The following HERC1 variants were observed in gnomAD, a reference collection of about 807,000 sequenced individuals.
The protein encoded by HERC1 is HECT and RLD domain containing E3 ubiquitin protein ligase family member 1.
Under a neutral mutation model 554.3 loss-of-function variants are expected in HERC1, and 160 were observed. The ratio of observed to expected loss-of-function variants is 0.29; its 90% CI spans 0.25 to 0.33. HERC1 has a LOEUF of 0.33. Among genes scored for constraint, HERC1 ranks in the 10% least tolerant of loss-of-function variants. The pLI, the probability that HERC1 is intolerant of heterozygous loss-of-function variation, is 1.00. For missense variants in HERC1, 4,919 were observed against 5,918.5 expected (o/e 0.83, Z 5.54); for synonymous variants, 2,175 against 2,131.7 (o/e 1.02, Z -0.56).
chr15:63,737,383 T>C (rs2074557461), intron 12 of HERC1, among the ~76,000 whole-genome samples: 1 of 139,194 alleles, frequency 7.2e-6, no homozygotes, highest in South Asian at 2.2e-4. Context: ...GATATATATA[T>C]ATATATCGTT....
rs375095850 is a variant in HERC1, at chr15:63,712,878, G to A, written c.4481C>T (p.Ala1494Val). 24 of 1,613,030 alleles carry A rather than the reference G, an allele frequency of 1.5e-5. No homozygotes were observed. In the African/African-American group the frequency reaches 2.9e-4, roughly 20 times the overall value. Residue 1494 changes from alanine (A) to valine (V), a missense_variant, in exon 24 of 78, where the codon GCA becomes GTA. Around this residue, in one of 11 missense-constraint regions of HERC1, gnomAD observed 1,121 missense variants for 1,244.0 expected, o/e 0.90. Transcript: ENST00000443617. ...GCTTGTGTGGACTAGCCGGCTCTCTGCAGTAAGACTTTCACTCCTGTCTCA... is the reference window on the plus strand; with the variant it reads ...GCTTGTGTGGACTAGCCGGCTCTCTACAGTAAGACTTTCACTCCTGTCTCA... ...GLMTRSESLT[A>V]ESRLVHTSPN...
At chr15:63,637,452 A>G in intron 64 of HERC1, 53 bp downstream of exon 64, 1 of 1,492,312 alleles carries the variant, frequency 6.7e-7, no homozygotes. Context: ...TGTACGACCA[A>G]ACCTACATTA....
chr15:63,700,192 A>G (rs905686453), intron 25 of HERC1, among the ~76,000 whole-genome samples: 2 of 151,970 alleles, frequency 1.3e-5, no homozygotes, highest in Non-Finnish European at 2.9e-5. Context: ...ATTTTATATC[A>G]CCTTTTTGGA....
At position 63,694,635 on chromosome 15, in the gene HERC1, C is replaced by T; in HGVS notation, c.5243-86G>A. On this transcript the variant is annotated intron_variant, in intron 28 of 77. Transcript: ENST00000443617. The surrounding 1 kb of genome is among the most constrained non-coding windows in gnomAD (Gnocchi z 4.3). ...GAATAATTTTCTAAAATATTAATAA[C>T]ATGAAACACTAAATTATTTATTCTT... The T allele has an allele frequency of 7.0e-7, 1 of 1,422,226 alleles. No individual in the cohort carries two copies. The highest frequency in any genetic ancestry group is 1.9e-4 in the Middle Eastern group (1 of 5,360). The allele number at this position is 1,422,226 out of a possible 1,614,324, so 88.1% of individuals were successfully genotyped here. A position where few individuals can be genotyped will look rare whatever the true frequency, so the allele number is the denominator to read the frequency against.
intron 72 of HERC1, 81 bp from the exon 73 acceptor site, chr15:63,623,971 ATG>A: frequency 6.8e-7 from 1 of 1,479,668 alleles, no homozygotes; most frequent in East Asian, 2.3e-5. Context: ...CCATCAGTGA[ATG>A]AAAAAGCTAG....
At chr15:63,686,633 A>G (rs1319240910) in intron 33 of HERC1, 98 bp from the exon 34 acceptor site, 13 of 959,358 alleles carry the variant, frequency 1.4e-5, no homozygotes, top group Admixed American at 7.4e-5. Context: ...AATATTTATT[A>G]TGTATCTACT....
chr15:63,812,118 C>T (rs377241829), intron 1 of HERC1, among the ~76,000 whole-genome samples: 11 of 152,284 alleles, frequency 7.2e-5, no homozygotes, highest in East Asian at 3.9e-4. Context: ...AACATAGACA[C>T]TAAGTTGCCT....
chr15:63,746,227 T>C (rs978088060), intron 12 of HERC1, among the ~76,000 whole-genome samples: 1 of 152,090 alleles, frequency 6.6e-6, no homozygotes, highest in Admixed American at 6.5e-5. Flanking sequence ...ATGTTAAGTT[T>C]TTGTTTTCAT....
intron 1 of HERC1, among the ~76,000 whole-genome samples, chr15:63,790,354 G>A (rs1416404762): frequency 2.6e-5 from 4 of 152,122 alleles, no homozygotes; most frequent in South Asian, 2.1e-4. Context: ...CGAGGCGGGC[G>A]GATCACGAGG....
At chr15:63,701,417 T>C (rs1041455721) in intron 25 of HERC1, among the ~76,000 whole-genome samples, 8 of 152,140 alleles carry the variant, frequency 5.3e-5, no homozygotes, top group African/African-American at 1.9e-4. Flanking sequence ...CAAAATTAAA[T>C]CTTCTGCAAT....
chr15:63,645,008 T>C lies in HERC1; in HGVS notation c.11168A>G (p.Gln3723Arg). 2 of 1,612,238 alleles carry C rather than the reference T, an allele frequency of 1.2e-6. No homozygotes were observed. Among genetic ancestry groups the C allele is most frequent in the African/African-American group, 1.3e-5 (1 of 74,998 alleles). Reference sequence around the variant, plus strand: ...GAATGTTACCTGGCAATTTGATTCCTGCTCCCACCATCCTTCTGCACTAGT... The same window carrying C: ...GAATGTTACCTGGCAATTTGATTCCCGCTCCCACCATCCTTCTGCACTAGT... ...NVTSAEGWWE[Q>R]ESNCQDGYRK... Residue 3723 changes from glutamine to arginine, a missense_variant, in exon 57 of 78, where the codon CAG becomes CGG. Gln to Arg is a conservative substitution (Grantham distance 43). Transcript: ENST00000443617.
At position 63,645,473 on chromosome 15, in the gene HERC1, G is replaced by C; in HGVS notation, c.11078+10C>G. On this transcript the variant is annotated intron_variant, in intron 56 of 77. Coordinates refer to ENST00000443617, the MANE Select transcript of HERC1 (RefSeq NM_003922.4). ...AAACTAAGACGTATAGATGCAAATT[G>C]ACAACATACGTAGCCATCAGTAACT... 6.3e-7 allele frequency: 1 copy of C among 1,595,980 alleles called. No homozygotes were observed. Among genetic ancestry groups the C allele is most frequent in the Non-Finnish European group, 8.5e-7 (1 of 1,171,078 alleles).
intron 1 of HERC1, among the ~76,000 whole-genome samples, chr15:63,817,628 T>C (rs2077535540): frequency 6.6e-6 from 1 of 151,700 alleles, no homozygotes; most frequent in South Asian, 2.1e-4. Context: ...GGCACGAGAG[T>C]CGCTTGAACC....
intron 64 of HERC1, chr15:63,637,130 A>G (rs2068817964): frequency 8.7e-6 from 4 of 457,780 alleles, no homozygotes; most frequent in Non-Finnish European, 8.8e-6. Context: ...GATGTCCTTT[A>G]AAGTCTTTAG....
rs1341534295 is a variant in HERC1, at chr15:63,674,959, C to T, written c.7229G>A (p.Ser2410Asn). The T allele has an allele frequency of 6.2e-7, 1 of 1,613,984 alleles. No homozygotes were observed. Among genetic ancestry groups the T allele is most frequent in the East Asian group, 2.2e-5 (1 of 44,876 alleles). The part of the protein sequence containing the change: ...TGVHEDMGKQ[S>N]TKRHEKKHRH... The stretch of plus-strand genomic sequence containing the variant: ...GTGTTTCTTTTCATGTCGTTTGGTG[C>T]TCTGTTTGCCCATGTCTTCATGAAC... The change falls in exon 38 of 78, where the codon AGC becomes AAC. Residue 2410 changes from serine (S) to asparagine (N), a missense_variant. Physicochemically the swap from Ser to Asn is conservative, Grantham distance 46 (BLOSUM62 1). This residue lies in a region of HERC1 where 1,963 missense variants were observed against 2,228.6 expected (regional missense o/e 0.88). Transcript: ENST00000443617.
chr15:63,799,481 T>C (rs930459750), intron 1 of HERC1, among the ~76,000 whole-genome samples: 2 of 150,004 alleles, frequency 1.3e-5, no homozygotes, highest in African/African-American at 4.9e-5. Flanking sequence ...GCCTGGGTGA[T>C]AGAGCAAGAC....
intron 33 of HERC1, among the ~76,000 whole-genome samples, chr15:63,687,105 C>A (rs1031824740): frequency 2.8e-5 from 4 of 143,558 alleles, no homozygotes; most frequent in Non-Finnish European, 4.6e-5. Flanking sequence ...ACTCTACTGA[C>A]ATTAGGGAGA....
At chr15:63,696,088 A>G (rs775045515) in intron 27 of HERC1, 36 bp downstream of exon 27, 4 of 1,429,522 alleles carry the variant, frequency 2.8e-6, no homozygotes, top group East Asian at 4.6e-5. Context: ...GTAAAATGAC[A>G]GTTAAAATCT....
intron 1 of HERC1, among the ~76,000 whole-genome samples, chr15:63,817,370 A>T (rs984285504): frequency 1.3e-5 from 2 of 152,188 alleles, no homozygotes; most frequent in Non-Finnish European, 2.9e-5. Flanking sequence ...TTAAAAATCA[A>T]TATTGAAATA....
Sources: allele counts gnomAD v4.1 joint callset (sites outside exome capture counted in the v4.1 genomes callset), GRCh38; gene constraint gnomAD v4.1.1; regional missense constraint gnomAD v4.1.1; non-coding constraint Gnocchi (gnomAD v3.1); transcripts MANE v1.5; gene names NCBI Gene and HGNC (gene_info 2026-07-23, HGNC 2026-07-21).